Variants in PPCS observed in about 807,000 individuals in gnomAD.
The protein encoded by PPCS is phosphopantothenoylcysteine synthetase.
A neutral mutation model predicts 24.6 loss-of-function variants in PPCS; 17 were observed. That is an observed-to-expected ratio of 0.69 (90% CI 0.47 to 1.04). The LOEUF (loss-of-function observed/expected upper bound fraction) is 1.04, where lower values mean the gene tolerates loss of function less well. PPCS is among the 50% of genes least tolerant of loss of function. The probability of loss-of-function intolerance (pLI) is 0.00; values close to 1 mark genes in which losing one functional copy is unlikely to be tolerated. For synonymous variants in PPCS, 190 were observed against 168.3 expected, an observed-to-expected ratio of 1.13 and a Z score of -1.00; for missense variants, 360 against 402.8, an observed-to-expected ratio of 0.89 and a Z score of 0.91.
intron 2 of PPCS, among the ~76,000 whole-genome samples, chr1:42,471,995 T>G (rs1310506252): frequency 6.6e-6 from 1 of 152,220 alleles, no homozygotes; most frequent in Non-Finnish European, 1.5e-5. Context: ...TGTATTTGAT[T>G]AGAACAGCAA....
rs1303762855 is a variant in PPCS, at chr1:42,459,675, T to C, written c.685T>C (p.Ser229Pro). 4 of 1,614,194 alleles carry C rather than the reference T, an allele frequency of 2.5e-6. No homozygotes were observed. The South Asian group carries it at 4.4e-5, about 18-fold the overall frequency. ...TTGGGCTCCCAAAGCATTTATAATT[T>C]CCTTTAAGTTGGAGACTGACCCCGC... ...KDWAPKAFII[S>P]FKLETDPAIV... Residue 229 changes from serine to proline, a missense_variant, in exon 3 of 3, where the codon TCC (serine) becomes CCC (proline). Coordinates refer to ENST00000372561, the MANE Select transcript of PPCS (RefSeq NM_024664.4).
chr1:42,468,462 C>T (rs1230053546), intron 2 of PPCS, among the ~76,000 whole-genome samples: 2 of 152,346 alleles, frequency 1.3e-5, no homozygotes, highest in East Asian at 1.9e-4. Flanking sequence ...ATTCCATTTA[C>T]ACCCATTGGT....
chr1:42,457,562 G>C (rs1005348475), intron 2 of PPCS: 1 of 587,108 alleles, frequency 1.7e-6, no homozygotes, highest in African/African-American at 1.9e-5. Flanking sequence ...AAATGCTCTA[G>C]TGGAGGTATG....
chr1:42,469,599 A>T (rs1374397990), intron 2 of PPCS, among the ~76,000 whole-genome samples: 1 of 152,172 alleles, frequency 6.6e-6, no homozygotes, highest in East Asian at 1.9e-4. Context: ...GAACATACAG[A>T]AAAGAAAATG....
intron 2 of PPCS, 51 bp downstream of exon 2, chr1:42,457,401 G>A (rs1053920024): frequency 1.3e-6 from 2 of 1,505,584 alleles, no homozygotes; most frequent in East Asian, 2.3e-5. Context: ...CCAATCTTGG[G>A]TTAATTTCCT....
chr1:42,462,727 G>A (rs1643444231), downstream of PPCS, among the ~76,000 whole-genome samples: 1 of 151,934 alleles, frequency 6.6e-6, no homozygotes, highest in Non-Finnish European at 1.5e-5. Context: ...TACATAGGTG[G>A]GGAAGATAAC....
chr1:42,464,741 C>G (rs909583043), downstream of PPCS, among the ~76,000 whole-genome samples: 3 of 152,188 alleles, frequency 2.0e-5, no homozygotes, highest in Non-Finnish European at 4.4e-5. Context: ...ACTATTTCTT[C>G]TTCAGTATTC....
Position 42,456,587 on chromosome 1 carries a change from G to T in PPCS, c.22G>T (p.Ala8Ser), listed in dbSNP as rs777660196. Residue 8 changes from alanine to serine, a missense_variant, in exon 1 of 3, where the codon GCC becomes TCC. Ala to Ser is a moderately conservative substitution (Grantham distance 99, BLOSUM62 1). Transcript: ENST00000372561. MAEMDPV[A>S]EFPQPPGAAR... is the part of the protein sequence containing the mutation. ...GCAGATGGCGGAAATGGATCCGGTAGCCGAGTTCCCCCAGCCTCCCGGTGC... is the reference window on the plus strand; with the variant it reads ...GCAGATGGCGGAAATGGATCCGGTATCCGAGTTCCCCCAGCCTCCCGGTGC... 1.3e-6 allele frequency: 2 copies of T among 1,498,164 alleles called. No homozygotes were observed. The highest frequency in any genetic ancestry group is 1.8e-6 in the Non-Finnish European group (2 of 1,125,786). The allele number at this position is 1,498,164 out of a possible 1,614,324, so 92.8% of individuals were successfully genotyped here. A position where few individuals can be genotyped will look rare whatever the true frequency, so the allele number is the denominator to read the frequency against.
rs776253559 is a variant in PPCS, at chr1:42,457,248, C to T, written c.510C>T (p.Gly170=). 3.8e-5 allele frequency: 61 copies of T among 1,613,928 alleles called. No individual in the cohort carries two copies. The highest frequency in any genetic ancestry group is 5.1e-5 in the Non-Finnish European group (60 of 1,179,972). ...QAAAQALNPL[G]PSAMFYLAAA... The stretch of plus-strand genomic sequence containing the variant: ...AACACCTTGTGTTTCTCTTTGCAGG[C>T]CCTTCTGCGATGTTTTACCTGGCTG... The change falls in exon 2 of 3, where the codon GGC becomes GGT. Residue 170 remains glycine, a splice_region_variant and synonymous_variant. Coordinates refer to ENST00000372561, the MANE Select transcript of PPCS (RefSeq NM_024664.4).
downstream of PPCS, chr1:42,463,364 C>T (rs776534901): frequency 7.2e-5 from 11 of 152,202 alleles, no homozygotes; most frequent in Admixed American, 2.0e-4. Context: ...GGGACGCTCG[C>T]GGCACCCTCC....
Position 42,460,027 on chromosome 1 carries a change from G to A in PPCS, c.*101G>A, listed in dbSNP as rs1643368149. ...TTTCATATGGACAGATAAAATGAAAGAAAGGGAAAAGGCAGTGGTGTGTAG... is the reference window on the plus strand; with the variant it reads ...TTTCATATGGACAGATAAAATGAAAAAAAGGGAAAAGGCAGTGGTGTGTAG... On this transcript the variant is annotated 3_prime_UTR_variant, in exon 3 of 3. Coordinates refer to ENST00000372561, the MANE Select transcript of PPCS (RefSeq NM_024664.4). 1 of 1,451,208 alleles carries A rather than the reference G, an allele frequency of 6.9e-7. No individual in the cohort carries two copies. Among genetic ancestry groups the A allele is most frequent in the South Asian group, 1.5e-5 (1 of 66,814 alleles). The allele number at this position is 1,451,208 out of a possible 1,614,324, so 89.9% of individuals were successfully genotyped here.
chr1:42,472,612 A>T (rs1477848690), intron 2 of PPCS, among the ~76,000 whole-genome samples: 1 of 152,170 alleles, frequency 6.6e-6, no homozygotes, highest in Non-Finnish European at 1.5e-5. Context: ...GACTTTTCAG[A>T]TAAAAGTTGC....
chr1:42,472,322 TTCATATACTG>T (rs1197862707), intron 2 of PPCS, among the ~76,000 whole-genome samples: 1 of 152,186 alleles, frequency 6.6e-6, no homozygotes, highest in Non-Finnish European at 1.5e-5. Flanking sequence ...ATATTTATCT[TTCATATACTG>T]TCATACTGCA....
rs1011369397 is a variant in PPCS at position 42,459,985 on chromosome 1, A to G, written c.*59A>G. Reference sequence around the variant, plus strand: ...AGGGCTCTTAGAGATGGTGAAAACTACAAAAAAAACCATGGCTTTCATATG... The same window carrying G: ...AGGGCTCTTAGAGATGGTGAAAACTGCAAAAAAAACCATGGCTTTCATATG... On this transcript the variant is annotated 3_prime_UTR_variant, in exon 3 of 3. Transcript: ENST00000372561. The G allele has an allele frequency of 1.3e-5, 20 of 1,513,976 alleles. No homozygotes were observed. The African/African-American group carries it at 2.5e-4, about 19-fold the overall frequency. 93.8% of individuals were successfully genotyped at this position (1,513,976 alleles called of 1,614,324 possible).
Position 42,457,320 on chromosome 1 carries a change from C to T in PPCS, c.582C>T (p.His194=). 6.2e-7 allele frequency: 1 copy of T among 1,614,184 alleles called. No individual in the cohort carries two copies. Among genetic ancestry groups the T allele is most frequent in the South Asian group, 1.1e-5 (1 of 91,082 alleles). Residue 194 remains histidine (H), a synonymous_variant, in exon 2 of 3, where the codon CAC becomes CAT. Transcript: ENST00000372561. Reference sequence around the variant, plus strand: ...TTCCTGTCTCTGAAATGCCTGAACACAAGATCCAGTCATCTGGGGGCCCAC... The same window carrying T: ...TTCCTGTCTCTGAAATGCCTGAACATAAGATCCAGTCATCTGGGGGCCCAC... The part of the protein sequence containing the change: ...FYVPVSEMPE[H]KIQSSGGPLQ...
intron 2 of PPCS, among the ~76,000 whole-genome samples, chr1:42,458,090 A>G (rs551947578): frequency 2.2e-4 from 34 of 152,316 alleles, no homozygotes; most frequent in African/African-American, 7.9e-4. Context: ...GTGCTTTGGT[A>G]AGGCTGGAGA....
downstream of PPCS, among the ~76,000 whole-genome samples, chr1:42,463,149 C>T (rs1004475590): frequency 2.0e-5 from 3 of 152,216 alleles, no homozygotes; most frequent in South Asian, 2.1e-4. Flanking sequence ...GACAACTCCG[C>T]CCCCGACCCG....
At chr1:42,469,610 C>T (rs1643699915) in intron 2 of PPCS, among the ~76,000 whole-genome samples, 1 of 152,076 alleles carries the variant, frequency 6.6e-6, no homozygotes, top group South Asian at 2.1e-4. Flanking sequence ...AAAGAAAATG[C>T]TTCCCTAAGG....
chr1:42,462,732 G>C (rs1643444477), downstream of PPCS, among the ~76,000 whole-genome samples: 1 of 152,020 alleles, frequency 6.6e-6, no homozygotes, highest in African/African-American at 2.4e-5. Context: ...AGGTGGGGAA[G>C]ATAACGTTCA....
Sources: allele counts gnomAD v4.1 joint callset (sites outside exome capture counted in the v4.1 genomes callset), GRCh38; gene constraint gnomAD v4.1.1; transcripts MANE v1.5; gene names NCBI Gene and HGNC (gene_info 2026-07-23, HGNC 2026-07-21).